Variants in INO80 observed in about 807,000 individuals in gnomAD.
INO80 encodes chromatin-remodeling ATPase INO80.
INO80 carries 20 observed loss-of-function variants against 203.4 expected under a neutral mutation model. The ratio of observed to expected loss-of-function variants is 0.10; its 90% confidence interval spans 0.07 to 0.14. INO80 has a LOEUF of 0.14. INO80 is among the 10% of genes least tolerant of loss of function. The pLI is 1.00. For missense variants in INO80, 1,419 were observed against 1,914.4 expected (o/e 0.74, Z 4.83); for synonymous variants, 726 against 685.2 (o/e 1.06, Z -0.93).
At position 41,091,874 on chromosome 15, in the gene INO80, A is replaced by G. The variant is rs12594758; in HGVS notation, c.537+153T>C. The stretch of plus-strand genomic sequence containing the variant: ...TCACCATGTTGGCCGGGATGGTTTC[A>G]ATTTCTTGACCTCATGATCCGCCCG... On this transcript the variant is annotated intron_variant, in intron 5 of 35. Coordinates refer to ENST00000648947, the MANE Select transcript of INO80 (RefSeq NM_017553.3). Among the ~76,000 whole-genome samples the G allele has an allele frequency of 5.3e-5, 8 of 151,790 alleles. No individual in the cohort carries two copies. The South Asian group carries it at 1.7e-3, about 32-fold the overall frequency.
chr15:41,091,650 C>CTTT (rs746421749), intron 5 of INO80, among the ~76,000 whole-genome samples: 98 of 88,286 alleles, frequency 1.1e-3, no homozygotes, highest in African/African-American at 2.3e-3. Flanking sequence ...TGATGTATCT[C>CTTT]TTTTTTTTTT....
intron 1 of INO80, among the ~76,000 whole-genome samples, chr15:41,114,512 C>T (rs1025543696): frequency 4.6e-5 from 7 of 152,092 alleles, no homozygotes; most frequent in African/African-American, 1.7e-4. Context: ...AGTTCGAGAC[C>T]GGCCTAGCCA....
At chr15:41,064,512 A>G (rs1378730980) in intron 14 of INO80, among the ~76,000 whole-genome samples, 1 of 152,210 alleles carries the variant, frequency 6.6e-6, no homozygotes, top group East Asian at 1.9e-4. Flanking sequence ...ACACTTTTAA[A>G]TAAACCATAG....
intron 1 of INO80, among the ~76,000 whole-genome samples, chr15:41,111,048 G>C (rs186876441): frequency 3.7e-4 from 56 of 152,310 alleles, no homozygotes; most frequent in Non-Finnish European, 7.2e-4. Context: ...ACTATGCCAA[G>C]CTAATTAGAA....
At chr15:41,112,295 T>C (rs2045969149) in intron 1 of INO80, among the ~76,000 whole-genome samples, 1 of 152,178 alleles carries the variant, frequency 6.6e-6, no homozygotes, top group African/African-American at 2.4e-5. Flanking sequence ...ATGATTTAAC[T>C]TGGTTTCAAT....
Position 41,095,780 on chromosome 15 carries a change from G to C in INO80, c.292C>G (p.Leu98Val), listed in dbSNP as rs1449951475. The C allele has an allele frequency of 1.2e-6, 2 of 1,614,010 alleles. No homozygotes were observed. The highest frequency in any genetic ancestry group is 1.3e-5 in the African/African-American group (1 of 74,946). The change falls in exon 3 of 36, where the codon CTG becomes GTG. Residue 98 changes from leucine to valine, a missense_variant. By Grantham distance (32) the Leu-to-Val change is conservative. Coordinates refer to ENST00000648947, the MANE Select transcript of INO80 (RefSeq NM_017553.3). Reference protein sequence around the residue: ...GSSGMLNTYSLNGVLQSESKC... With the variant: ...GSSGMLNTYSVNGVLQSESKC... ...TGACCTGACTGTAGAACTCCATTCAGAGAATATGTGTTTAACATTCCAGAA... is the reference window on the plus strand; with the variant it reads ...TGACCTGACTGTAGAACTCCATTCACAGAATATGTGTTTAACATTCCAGAA...
intron 24 of INO80, among the ~76,000 whole-genome samples, chr15:41,041,892 T>C (rs950203862): frequency 6.7e-6 from 1 of 148,380 alleles, no homozygotes; most frequent in Non-Finnish European, 1.5e-5. Context: ...TGGAGTACAG[T>C]GGTGCACTCA....
At chr15:41,043,860 CTTT>C (rs1339712806) in intron 24 of INO80, among the ~76,000 whole-genome samples, 4 of 152,226 alleles carry the variant, frequency 2.6e-5, no homozygotes, top group Admixed American at 6.5e-5. Flanking sequence ...CTTTCACCTT[CTTT>C]GTCACCTACT....
At position 41,092,135 on chromosome 15, in the gene INO80, TTCACTCTGAGAA is replaced by T; in HGVS notation, c.417_428del (p.Asp139_Ser142del). The T allele has an allele frequency of 6.2e-7, 1 of 1,610,834 alleles. No homozygotes were observed. Among genetic ancestry groups the T allele is most frequent in the South Asian group, 1.1e-5 (1 of 90,892 alleles). On this transcript the variant is annotated inframe_deletion, in exon 5 of 36. Transcript: ENST00000648947. ...GATTGAGTTCTTCTTCATCATCGTCTTCACTCTGAGAATCAGCCTCGCTGGATTCATCACTTA... is the reference window on the plus strand; with the variant it reads ...GATTGAGTTCTTCTTCATCATCGTCTTCAGCCTCGCTGGATTCATCACTTA...
At chr15:41,089,559 C>T (rs1224490371) in intron 5 of INO80, among the ~76,000 whole-genome samples, 1 of 152,060 alleles carries the variant, frequency 6.6e-6, no homozygotes, top group East Asian at 1.9e-4. Context: ...GCCTGACGAA[C>T]ATTGAAAAAC....
intron 29 of INO80, among the ~76,000 whole-genome samples, chr15:40,992,781 G>A (rs916279036): frequency 1.3e-5 from 2 of 151,334 alleles, no homozygotes; most frequent in Non-Finnish European, 3.0e-5. Flanking sequence ...TCAGAAATCA[G>A]AGTATTCAGA....
chr15:40,998,019 T>G (rs2043904039), intron 28 of INO80, among the ~76,000 whole-genome samples: 1 of 55,532 alleles, frequency 1.8e-5, no homozygotes, highest in Non-Finnish European at 4.6e-5. Context: ...AAACACTCTT[T>G]TTTTTTTTTT....
chr15:41,044,377 A>G (rs1192768406), intron 24 of INO80, among the ~76,000 whole-genome samples: 2 of 152,232 alleles, frequency 1.3e-5, no homozygotes, highest in Non-Finnish European at 2.9e-5. Flanking sequence ...ATAAAAAAAG[A>G]ATGCTATATA....
intron 19 of INO80, among the ~76,000 whole-genome samples, chr15:41,050,623 T>C (rs2044852978): frequency 2.0e-5 from 3 of 152,174 alleles, no homozygotes; most frequent in Admixed American, 2.0e-4. Flanking sequence ...CTTGGAAATC[T>C]ACCACCTTTT....
intron 7 of INO80, among the ~76,000 whole-genome samples, chr15:41,084,260 T>C: frequency 6.6e-6 from 1 of 150,572 alleles, no homozygotes; most frequent in Non-Finnish European, 1.5e-5. Context: ...TGAAATTATA[T>C]CAAAATAACA....
intron 24 of INO80, among the ~76,000 whole-genome samples, chr15:41,039,114 C>T (rs532878105): frequency 1.3e-5 from 2 of 152,264 alleles, no homozygotes; most frequent in African/African-American, 4.8e-5. Context: ...GAATTATGTT[C>T]CTCCTATCCA....
rs777737678 is a variant in INO80 at position 41,049,265 on chromosome 15, A to G, written c.2576+22T>C. 2.5e-6 allele frequency: 4 copies of G among 1,597,312 alleles called. No homozygotes were observed. In the African/African-American group the frequency reaches 4.0e-5, roughly 16 times the overall value. On this transcript the variant is annotated intron_variant, in intron 21 of 35. Transcript: ENST00000648947. ...GTAAATTATAAAACACTAATAGTGAACAGATAGTAATACTTCCCTACCTGT... is the reference window on the plus strand; with the variant it reads ...GTAAATTATAAAACACTAATAGTGAGCAGATAGTAATACTTCCCTACCTGT...
chr15:41,079,852 T>C lies in INO80; in HGVS notation c.980A>G (p.Lys327Arg), dbSNP rs766550330. The C allele has an allele frequency of 6.2e-7, 1 of 1,614,056 alleles. No homozygotes were observed. Among genetic ancestry groups the C allele is most frequent in the Non-Finnish European group, 8.5e-7 (1 of 1,180,040 alleles). The change falls in exon 9 of 36, where the codon AAG (lysine) becomes AGG (arginine). Residue 327 changes from lysine to arginine, a missense_variant. Transcript: ENST00000648947. ...EVRRAALQAQ[K>R]NCKETLPRAR... is the part of the protein sequence containing the mutation. ...ACGAGGCAAGGTTTCCTTACAGTTC[T>C]TCTGGGCCTGCAAGGCAGCTCGACG...
rs753478010 is a variant in INO80, at chr15:41,109,842, G to GA, written c.-44+6130dup. On this transcript the variant is annotated intron_variant, in intron 1 of 35. Transcript: ENST00000648947. ...AGCTACTCAGGAGGCTGAGGCAGGA[G>GA]AATCACTTGAACCTGGGAGATGGAG... 1.4e-3 allele frequency among the ~76,000 whole-genome samples: 219 copies of GA among 151,890 alleles called. 1 individual carries two copies. The highest frequency in any genetic ancestry group is 2.6e-3 in the Non-Finnish European group (180 of 67,968).
Sources: gnomAD v4.1 joint callset for allele counts (sites outside exome capture counted in the v4.1 genomes callset) on GRCh38, gnomAD v4.1.1 for gene constraint, MANE v1.5 for transcripts, NCBI Gene and HGNC (gene_info 2026-07-23, HGNC 2026-07-21) for gene names.